IAH1: variants seen among roughly 807,000 people sequenced by gnomAD.
The protein encoded by IAH1 is isoamyl acetate-hydrolyzing esterase 1 homolog.
In IAH1, 24 loss-of-function variants were observed where a neutral mutation model predicts 26.7. The observed-to-expected ratio is 0.90, with a 90% CI of 0.65 to 1.26. The LOEUF (loss-of-function observed/expected upper bound fraction) is 1.26, where lower values mean the gene tolerates loss of function less well. IAH1 is among the 50% of genes most tolerant of loss of function. The probability of loss-of-function intolerance (pLI) is 0.00; values close to 1 mark genes in which losing one functional copy is unlikely to be tolerated. For synonymous variants in IAH1, 140 were observed against 118.5 expected (o/e 1.18, Z -1.18); for missense variants, 300 against 299.9 (o/e 1.00, Z 0.00).
At chr2:9,492,070 G>A (rs1662201666), downstream of IAH1, among the ~76,000 whole-genome samples, 1 of 152,184 alleles carries the variant, frequency 6.6e-6, no homozygotes, top group South Asian at 2.1e-4. Flanking sequence ...CTGTGAGATG[G>A]CCCCTAGGCA....
chr2:9,493,630 T>A, downstream of IAH1: 1 of 814,180 alleles, frequency 1.2e-6, no homozygotes, highest in Non-Finnish European at 1.9e-6. Flanking sequence ...ACTAAAGCTG[T>A]GAATAGTTCC....
downstream of IAH1, among the ~76,000 whole-genome samples, chr2:9,500,837 G>T (rs185483865): frequency 5.3e-5 from 8 of 152,088 alleles, no homozygotes; most frequent in Non-Finnish European, 1.0e-4. Context: ...ACAATTGACC[G>T]AACAAAAGAT....
chr2:9,475,160 C>T (rs1682409569), intron 1 of IAH1: 1 of 1,287,482 alleles, frequency 7.8e-7, no homozygotes, highest in African/African-American at 1.5e-5. Context: ...AGAAAAGGAC[C>T]ATCCGTTCAT....
chr2:9,482,484 TACAC>T (rs1384445882), intron 4 of IAH1, among the ~76,000 whole-genome samples: 2 of 152,172 alleles, frequency 1.3e-5, no homozygotes, highest in Non-Finnish European at 2.9e-5. Context: ...AGATGTTTCT[TACAC>T]ACACCACAGC....
chr2:9,474,701 GC>G lies in IAH1; in HGVS notation c.81+56del. 7.6e-7 allele frequency: 1 copy of G among 1,317,864 alleles called. No homozygotes were observed. The highest frequency in any genetic ancestry group is 1.0e-6 in the Non-Finnish European group (1 of 966,132). The allele number at this position is 1,317,864 out of a possible 1,614,324, so 81.6% of individuals were successfully genotyped here. On this transcript the variant is annotated intron_variant, in intron 1 of 5. Coordinates refer to ENST00000497473, the MANE Select transcript of IAH1 (RefSeq NM_001039613.3). This position sits in a 1 kb window ranked among gnomAD's most constrained non-coding sequence, Gnocchi z 4.3. Reference sequence around the variant, plus strand: ...GCCCCGGCCTCCCTGCGGGGTCGCTGCCGAGCAGGCCGAGGCTCCTCGCCGT... The same window carrying G: ...GCCCCGGCCTCCCTGCGGGGTCGCTGCGAGCAGGCCGAGGCTCCTCGCCGT...
At chr2:9,491,073 TTA>T (rs751870775), downstream of IAH1, 63 of 1,603,658 alleles carry the variant, frequency 3.9e-5, no homozygotes, top group East Asian at 8.9e-5. Flanking sequence ...CAGGCGAAGA[TTA>T]TGTTTCTTTC....
At chr2:9,501,418 T>C (rs1390056578), downstream of IAH1, among the ~76,000 whole-genome samples, 4 of 152,110 alleles carry the variant, frequency 2.6e-5, no homozygotes, top group African/African-American at 9.7e-5. Flanking sequence ...GACTACACAA[T>C]GACACTCCTC....
chr2:9,503,698 G>T, the IAH1 span, among the ~76,000 whole-genome samples: 1 of 151,912 alleles, frequency 6.6e-6, no homozygotes, highest in Admixed American at 6.6e-5. Context: ...AATTAGCTGG[G>T]CGTGGTGGTG....
At chr2:9,492,961 A>G (rs1304964360), downstream of IAH1, 3 of 1,612,228 alleles carry the variant, frequency 1.9e-6, no homozygotes, top group Admixed American at 1.7e-5. Context: ...GGACAGACCC[A>G]ACGATGTTGT....
chr2:9,511,259 G>A, the IAH1 span, among the ~76,000 whole-genome samples: 1 of 152,128 alleles, frequency 6.6e-6, no homozygotes, highest in Non-Finnish European at 1.5e-5. Flanking sequence ...GACCAGCCTG[G>A]CCAACATAGT....
chr2:9,489,855 A>G (rs1661963417), downstream of IAH1: 1 of 218,384 alleles, frequency 4.6e-6, no homozygotes, highest in African/African-American at 2.3e-5. Context: ...GCTGTTATCA[A>G]TATAAAAGAT....
At position 9,488,222 on chromosome 2, in the gene IAH1, C is replaced by G; in HGVS notation, c.640C>G (p.Pro214Ala). The G allele has an allele frequency of 6.2e-7, 1 of 1,613,388 alleles. No homozygotes were observed. ...GNEFLFSHLW[P>A]LIEKKVSSLP... ...TGAATTTTTGTTCTCGCATCTCTGG[C>G]CTTTGATAGAGAAAAAGGTCTCTTC... The change falls in exon 6 of 6, where the codon CCT becomes GCT. Residue 214 changes from proline to alanine, a missense_variant. Coordinates refer to ENST00000497473, the MANE Select transcript of IAH1 (RefSeq NM_001039613.3).
intron 3 of IAH1, among the ~76,000 whole-genome samples, chr2:9,479,044 A>G (rs1558476717): frequency 6.6e-6 from 1 of 152,206 alleles, no homozygotes; most frequent in Non-Finnish European, 1.5e-5. Flanking sequence ...GGCACACCGT[A>G]GGAGACCTCT....
Position 9,481,395 on chromosome 2 carries a change from C to T in IAH1, c.393C>T (p.Ile131=). 6.2e-7 allele frequency: 1 copy of T among 1,614,174 alleles called. No individual in the cohort carries two copies. The highest frequency in any genetic ancestry group is 2.2e-5 in the East Asian group (1 of 44,874). ...VDIPENRVIL[I]TPTPLCETAW... is the part of the protein sequence containing the mutation. ...TCCCTGAGAATCGAGTCATTCTCAT[C>T]ACGCCGACCCCACTTTGTGAAACAG... is the stretch of plus-strand genomic sequence containing the variant. The change falls in exon 4 of 6, where the codon ATC becomes ATT. Residue 131 remains isoleucine, a synonymous_variant. Coordinates refer to ENST00000497473, the MANE Select transcript of IAH1 (RefSeq NM_001039613.3).
chr2:9,492,500 C>A (rs1459610485), downstream of IAH1, among the ~76,000 whole-genome samples: 1 of 152,058 alleles, frequency 6.6e-6, no homozygotes, highest in Non-Finnish European at 1.5e-5. Flanking sequence ...CATCTGCTGC[C>A]AATAATCTAC....
downstream of IAH1, chr2:9,491,051 AG>A (rs763238472): frequency 2.0e-6 from 3 of 1,536,528 alleles, no homozygotes; most frequent in African/African-American, 4.1e-5. Flanking sequence ...TTTGCCTAAC[AG>A]GGCCTCAGAC....
At chr2:9,482,621 A>G (rs1661252273) in intron 4 of IAH1, among the ~76,000 whole-genome samples, 1 of 152,218 alleles carries the variant, frequency 6.6e-6, no homozygotes, top group African/African-American at 2.4e-5. Flanking sequence ...CCAGGAATCA[A>G]ATCCAGCAAG....
chr2:9,503,783 A>G, the IAH1 span, among the ~76,000 whole-genome samples: 1 of 150,486 alleles, frequency 6.6e-6, no homozygotes, highest in Non-Finnish European at 1.5e-5. Flanking sequence ...GGTTGCAGTG[A>G]GCCAAGATCA....
At chr2:9,480,480 G>A (rs1228828765) in intron 3 of IAH1, among the ~76,000 whole-genome samples, 1 of 152,172 alleles carries the variant, frequency 6.6e-6, no homozygotes, top group East Asian at 1.9e-4. Context: ...CTAGGTGATG[G>A]AGCGAGAACC....
Sources: allele counts gnomAD v4.1 joint callset (sites outside exome capture counted in the v4.1 genomes callset), GRCh38; gene constraint gnomAD v4.1.1; non-coding constraint Gnocchi (gnomAD v3.1); transcripts MANE v1.5; gene names NCBI Gene and HGNC (gene_info 2026-07-23, HGNC 2026-07-21).